Variants in NTNG1 observed in about 807,000 individuals in gnomAD.
NTNG1 encodes the protein netrin-G1.
In NTNG1, 16 loss-of-function variants were observed where a neutral mutation model predicts 54.0. The ratio of observed to expected loss-of-function variants is 0.30; its 90% confidence interval spans 0.20 to 0.45. NTNG1 has a LOEUF of 0.45. Ranked by LOEUF, NTNG1 falls within the 20% of genes least tolerant of loss-of-function variation. The pLI is 1.00. For synonymous variants in NTNG1, 255 were observed against 263.1 expected (o/e 0.97, Z 0.30); for missense variants, 530 against 678.7 (o/e 0.78, Z 2.43).
intron 5 of NTNG1, chr1:107,407,967 C>G (rs1673557547): frequency 4.4e-6 from 3 of 682,298 alleles, no homozygotes; most frequent in Non-Finnish European, 8.2e-6. Flanking sequence ...GCTACCTAGA[C>G]TCAGGTGCAA....
At chr1:107,476,105 C>G (rs1321093470) in intron 7 of NTNG1, among the ~76,000 whole-genome samples, 2 of 152,222 alleles carry the variant, frequency 1.3e-5, no homozygotes, top group Non-Finnish European at 2.9e-5. Context: ...CCCTTACTGT[C>G]ACACTTTTCC....
chr1:107,186,810 T>C (rs1657492756), intron 2 of NTNG1, among the ~76,000 whole-genome samples: 2 of 152,180 alleles, frequency 1.3e-5, no homozygotes, highest in South Asian at 4.1e-4. Flanking sequence ...TAAGTTAACA[T>C]ATTTTTGAGT....
chr1:107,339,714 C>T (rs1461529738), intron 3 of NTNG1, among the ~76,000 whole-genome samples: 1 of 152,178 alleles, frequency 6.6e-6, no homozygotes, highest in East Asian at 1.9e-4. Context: ...AATCAGATCA[C>T]GTGAATTCTT....
chr1:107,322,892 T>A (rs1365043017), intron 2 of NTNG1, among the ~76,000 whole-genome samples: 1 of 152,054 alleles, frequency 6.6e-6, no homozygotes, highest in Non-Finnish European at 1.5e-5. Context: ...ACTTTAGGAT[T>A]CGGTTACATT....
At chr1:107,385,172 G>T (rs17018844) in intron 3 of NTNG1, among the ~76,000 whole-genome samples, 3,972 of 152,172 alleles carry the variant, frequency 0.026, 158 homozygotes, top group African/African-American at 0.079. Context: ...ATCAGTTGTG[G>T]GAAGACAGAC....
chr1:107,156,260 A>G (rs998045189), intron 2 of NTNG1, among the ~76,000 whole-genome samples: 18 of 152,236 alleles, frequency 1.2e-4, no homozygotes, highest in African/African-American at 4.3e-4. Flanking sequence ...CTGCTCTCAG[A>G]AAAGAAATTG....
intron 5 of NTNG1, among the ~76,000 whole-genome samples, chr1:107,425,187 T>TTA (rs1553245105): frequency 2.7e-5 from 4 of 149,618 alleles, no homozygotes; most frequent in East Asian, 2.0e-4. Context: ...AAAGTTGAAT[T>TTA]AAAAAAAAAA....
At chr1:107,280,057 G>GTGTC (rs1244727753) in intron 2 of NTNG1, among the ~76,000 whole-genome samples, 4 of 147,076 alleles carry the variant, frequency 2.7e-5, no homozygotes, top group Non-Finnish European at 5.9e-5. Flanking sequence ...GTGTGTGTGT[G>GTGTC]TGTGTGTGTG....
Position 107,267,399 on chromosome 1 carries a change from A to G in NTNG1, c.247-56883A>G, listed in dbSNP as rs562144914. On this transcript the variant is annotated intron_variant, in intron 2 of 7. Transcript: ENST00000370068. ...GAATTTGCATAGAGGTAAATCATGA[A>G]GAAAGGCTCTGAGGTGACTGAGCTA... is the stretch of plus-strand genomic sequence containing the variant. Among the ~76,000 whole-genome samples the G allele has an allele frequency of 2.6e-5, 4 of 152,306 alleles. No individual in the cohort carries two copies. In the South Asian group the frequency reaches 8.3e-4, roughly 32 times the overall value.
At chr1:107,383,183 C>T (rs904369285) in intron 3 of NTNG1, among the ~76,000 whole-genome samples, 5 of 152,094 alleles carry the variant, frequency 3.3e-5, no homozygotes, top group African/African-American at 1.2e-4. Context: ...GACAAGTATA[C>T]ATATTTAAGA....
intron 3 of NTNG1, among the ~76,000 whole-genome samples, chr1:107,336,408 A>G (rs1302236739): frequency 6.6e-6 from 1 of 151,982 alleles, no homozygotes; most frequent in African/African-American, 2.4e-5. Context: ...GAACAGTCAC[A>G]TGCAAGAAAA....
intron 7 of NTNG1, among the ~76,000 whole-genome samples, chr1:107,448,124 A>G (rs1676413361): frequency 6.6e-6 from 1 of 152,030 alleles, no homozygotes; most frequent in Non-Finnish European, 1.5e-5. Flanking sequence ...CCACTTTTCT[A>G]GCTTGCTTTT....
At chr1:107,336,453 C>T (rs1362137783) in intron 3 of NTNG1, among the ~76,000 whole-genome samples, 1 of 151,868 alleles carries the variant, frequency 6.6e-6, no homozygotes, top group African/African-American at 2.4e-5. Flanking sequence ...CCTTACCTTA[C>T]ACCATATACA....
intron 5 of NTNG1, 46 bp from the exon 6 acceptor site, chr1:107,430,704 C>A: frequency 6.3e-7 from 1 of 1,590,988 alleles, no homozygotes; most frequent in Non-Finnish European, 8.6e-7. Flanking sequence ...TGCTATTACT[C>A]TGCTACTGTA....
chr1:107,276,243 T>C (rs1228344165), intron 2 of NTNG1, among the ~76,000 whole-genome samples: 1 of 152,106 alleles, frequency 6.6e-6, no homozygotes, highest in South Asian at 2.1e-4. Flanking sequence ...AGGAGGAAAA[T>C]AGTACATGCA....
At chr1:107,434,493 G>A (rs1351018355) in intron 6 of NTNG1, among the ~76,000 whole-genome samples, 1 of 152,178 alleles carries the variant, frequency 6.6e-6, no homozygotes, top group African/African-American at 2.4e-5. Flanking sequence ...TATATGGTTT[G>A]TGACCCTGAG....
At chr1:107,444,490 CA>C (rs1040560332) in intron 7 of NTNG1, among the ~76,000 whole-genome samples, 1 of 152,116 alleles carries the variant, frequency 6.6e-6, no homozygotes, top group Non-Finnish European at 1.5e-5. Context: ...AGGGCAAATG[CA>C]GACAGTGGAC....
intron 7 of NTNG1, 29 bp from the exon 8 acceptor site, chr1:107,480,582 C>CCCCCCCCTCCCT: frequency 1.4e-6 from 1 of 707,698 alleles, no homozygotes. Context: ...CCGCGCCCAC[C>CCCCCCCCTCCCT]CACCCCTACC....
At chr1:107,403,796 T>C (rs1673216364) in intron 4 of NTNG1, among the ~76,000 whole-genome samples, 1 of 152,016 alleles carries the variant, frequency 6.6e-6, no homozygotes, top group Non-Finnish European at 1.5e-5. Flanking sequence ...TTACATGCTC[T>C]GATGTTGACT....
Sources: allele counts gnomAD v4.1 joint callset (sites outside exome capture counted in the v4.1 genomes callset), GRCh38; gene constraint gnomAD v4.1.1; transcripts MANE v1.5; gene names NCBI Gene and HGNC (gene_info 2026-07-23, HGNC 2026-07-21).